RIMS2: variants seen among roughly 807,000 people sequenced by gnomAD.
The protein encoded by RIMS2 is regulating synaptic membrane exocytosis 2, also known as regulating synaptic membrane exocytosis protein 2.
In RIMS2, 59 loss-of-function variants were observed where a neutral mutation model predicts 174.4. That is an observed-to-expected ratio of 0.34 (90% CI 0.27 to 0.42). The LOEUF is 0.42. Among genes scored for constraint, RIMS2 ranks in the 10% least tolerant of loss-of-function variants. RIMS2 has a pLI of 1.00. For missense variants in RIMS2, 1,620 were observed against 1,666.3 expected, an observed-to-expected ratio of 0.97 and a Z score of 0.48; for synonymous variants, 606 against 572.5, an observed-to-expected ratio of 1.06 and a Z score of -0.84.
intron 14 of RIMS2, among the ~76,000 whole-genome samples, chr8:103,956,571 C>A (rs2087295454): frequency 6.6e-6 from 1 of 152,130 alleles, no homozygotes; most frequent in South Asian, 2.1e-4. Flanking sequence ...AAACTAGATC[C>A]TTTCCTGACA....
chr8:103,605,585 C>T (rs1032268654), intron 1 of RIMS2, among the ~76,000 whole-genome samples: 3 of 151,740 alleles, frequency 2.0e-5, no homozygotes, highest in Non-Finnish European at 2.9e-5. Context: ...GTACCAGTTC[C>T]TCCTTGTACC....
At chr8:104,013,572 C>A in exon 18 of RIMS2, 1 of 1,613,712 alleles carries the variant, frequency 6.2e-7, no homozygotes, top group Non-Finnish European at 8.5e-7. Context: ...GAGGTCGATG[C>A]CTTCATTAAT....
intron 3 of RIMS2, among the ~76,000 whole-genome samples, chr8:103,853,086 G>T (rs1169621194): frequency 6.6e-6 from 1 of 151,516 alleles, no homozygotes. Flanking sequence ...TTTTTTGTTT[G>T]TTTTTTTACT....
At chr8:103,709,719 T>A (rs910260743) in intron 2 of RIMS2, among the ~76,000 whole-genome samples, 1 of 152,120 alleles carries the variant, frequency 6.6e-6, no homozygotes, top group African/African-American at 2.4e-5. Flanking sequence ...CTCATATGTA[T>A]GTTCACCGAT....
chr8:104,094,569 GA>G, intron 19 of RIMS2: 1 of 702,060 alleles, frequency 1.4e-6, no homozygotes, highest in South Asian at 1.5e-5. Context: ...AAGAATTAAT[GA>G]GAATGAGAAA....
chr8:103,761,479 A>G (rs936672691), intron 2 of RIMS2, among the ~76,000 whole-genome samples: 1 of 152,236 alleles, frequency 6.6e-6, no homozygotes, highest in Admixed American at 6.5e-5. Context: ...GTGATTATTC[A>G]GGTTCCCAGG....
intron 1 of RIMS2, among the ~76,000 whole-genome samples, chr8:103,686,485 C>T (rs138524771): frequency 3.9e-4 from 59 of 152,212 alleles, no homozygotes; most frequent in African/African-American, 1.3e-3. Context: ...GATGCCTTTA[C>T]TGTGCTAAGG....
At chr8:103,827,900 C>CA (rs543481656) in intron 3 of RIMS2, among the ~76,000 whole-genome samples, 18,591 of 142,872 alleles carry the variant, frequency 0.13, 1,215 homozygotes, top group Middle Eastern at 0.23. Flanking sequence ...CACTCCATCT[C>CA]AAAAAAAAAA....
intron 2 of RIMS2, among the ~76,000 whole-genome samples, chr8:103,742,970 A>G (rs1280649755): frequency 6.6e-6 from 1 of 152,196 alleles, no homozygotes; most frequent in Non-Finnish European, 1.5e-5. Context: ...ATAGCGTACC[A>G]TGAACAGGCT....
Position 104,183,686 on chromosome 8 carries a change from T to C in RIMS2, c.3335-61230T>C, listed in dbSNP as rs572732183. On this transcript the variant is annotated intron_variant, in intron 19 of 23. Coordinates refer to ENST00000504942, the Ensembl canonical transcript of RIMS2. ...ACTGCAGGTATTCATTTTTTAAAAATTGAATTCTGAACAGCTCATCAGAGT... is the reference window on the plus strand; with the variant it reads ...ACTGCAGGTATTCATTTTTTAAAAACTGAATTCTGAACAGCTCATCAGAGT... 1.1e-3 allele frequency among the ~76,000 whole-genome samples: 171 copies of C among 151,756 alleles called. 1 individual carries two copies. The highest frequency in any genetic ancestry group is 3.8e-3 in the African/African-American group (159 of 41,496).
chr8:103,633,032 CT>C (rs34279617), intron 1 of RIMS2, among the ~76,000 whole-genome samples: 25,685 of 137,788 alleles, frequency 0.19, 2,427 homozygotes, highest in African/African-American at 0.26. Context: ...CGCGCCAGGC[CT>C]TTTTTTTTTT....
intron 17 of RIMS2, among the ~76,000 whole-genome samples, chr8:103,991,356 T>A (rs1447302733): frequency 6.6e-6 from 1 of 151,648 alleles, no homozygotes; most frequent in African/African-American, 2.4e-5. Context: ...TATAAAACCA[T>A]TTCTAATATT....
chr8:103,748,181 C>T (rs925421990), intron 2 of RIMS2, among the ~76,000 whole-genome samples: 4 of 152,076 alleles, frequency 2.6e-5, no homozygotes, highest in Admixed American at 6.5e-5. Context: ...GTGGCTCACA[C>T]CTGTAATCCC....
chr8:103,662,841 A>G (rs1050815831), intron 1 of RIMS2, among the ~76,000 whole-genome samples: 3 of 152,180 alleles, frequency 2.0e-5, no homozygotes, highest in African/African-American at 7.2e-5. Context: ...TAATAATGTC[A>G]GCTCTGAAGA....
intron 19 of RIMS2, among the ~76,000 whole-genome samples, chr8:104,103,214 G>A (rs937001804): frequency 6.6e-6 from 1 of 152,048 alleles, no homozygotes; most frequent in South Asian, 2.1e-4. Context: ...ATTACTTGTT[G>A]CCAGGGGTTA....
chr8:103,820,120 G>A (rs1470555789), intron 3 of RIMS2, among the ~76,000 whole-genome samples: 2 of 152,012 alleles, frequency 1.3e-5, no homozygotes, highest in Admixed American at 6.6e-5. Context: ...GTGGAACCGC[G>A]AATAATGCTT....
chr8:103,926,603 T>C (rs1227589659), intron 10 of RIMS2, among the ~76,000 whole-genome samples: 1 of 151,590 alleles, frequency 6.6e-6, no homozygotes, highest in Non-Finnish European at 1.5e-5. Flanking sequence ...TGAGCAAAAG[T>C]ACTCCTAGTA....
chr8:103,575,028 T>C (rs1243587596), intron 1 of RIMS2, among the ~76,000 whole-genome samples: 1 of 152,320 alleles, frequency 6.6e-6, no homozygotes, highest in East Asian at 1.9e-4. Flanking sequence ...CCCTTTTTAC[T>C]ATCATAAGGT....
chr8:104,104,871 C>T (rs1466563050), intron 19 of RIMS2, among the ~76,000 whole-genome samples: 2 of 146,102 alleles, frequency 1.4e-5, no homozygotes, highest in African/African-American at 5.2e-5. Flanking sequence ...CAGAGTGAGA[C>T]CCTGTCTCAA....
Sources: gnomAD v4.1 joint callset for allele counts (sites outside exome capture counted in the v4.1 genomes callset) on GRCh38, gnomAD v4.1.1 for gene constraint, MANE v1.5 for transcripts, NCBI Gene and HGNC (gene_info 2026-07-23, HGNC 2026-07-21) for gene names.